HIKESHI: variants seen among roughly 807,000 people sequenced by gnomAD.
The protein encoded by HIKESHI is heat shock protein nuclear import factor hikeshi, also known as protein Hikeshi.
HIKESHI carries 13 observed loss-of-function variants against 25.7 expected under a neutral mutation model. The ratio of observed to expected loss-of-function variants is 0.51; its 90% confidence interval spans 0.33 to 0.80. The LOEUF (loss-of-function observed/expected upper bound fraction) is 0.80. Ranked by LOEUF, HIKESHI falls within the 30% of genes least tolerant of loss-of-function variation. The probability of loss-of-function intolerance (pLI) is 0.02; values close to 1 mark genes in which losing one functional copy is unlikely to be tolerated. For missense variants in HIKESHI, 174 were observed against 229.5 expected (o/e 0.76, Z 1.56); for synonymous variants, 76 against 78.7 (o/e 0.97, Z 0.18).
chr11:86,307,275 A>G (rs1388165326), intron 2 of HIKESHI, among the ~76,000 whole-genome samples: 6 of 78,820 alleles, frequency 7.6e-5, no homozygotes, highest in African/African-American at 2.8e-4. Context: ...TATACATCAT[A>G]TATCAAATAT....
chr11:86,338,632 A>T (rs988899411), intron 3 of HIKESHI, among the ~76,000 whole-genome samples: 1 of 152,252 alleles, frequency 6.6e-6, no homozygotes, highest in Admixed American at 6.5e-5. Flanking sequence ...TTTGCCTGGC[A>T]GTACCAGAGG....
chr11:86,344,512 C>G (rs1359269560), intron 3 of HIKESHI, 91 bp from the exon 4 acceptor site: 1 of 805,636 alleles, frequency 1.2e-6, no homozygotes, highest in East Asian at 2.8e-5. Context: ...TCCCTATAAA[C>G]AAGTTAATGT....
At chr11:86,342,048 A>C (rs545658411) in intron 3 of HIKESHI, among the ~76,000 whole-genome samples, 7 of 126,580 alleles carry the variant, frequency 5.5e-5, no homozygotes, top group Admixed American at 1.7e-4. Flanking sequence ...CAGACCTTTA[A>C]AATTTTGCCA....
intron 4 of HIKESHI, 30 bp downstream of exon 4, chr11:86,344,751 A>G: frequency 2.2e-6 from 3 of 1,373,882 alleles, no homozygotes; most frequent in South Asian, 1.2e-5. Context: ...TCCAATATTA[A>G]GGCTTTTTAT....
intron 2 of HIKESHI, among the ~76,000 whole-genome samples, chr11:86,315,789 T>C (rs368748657): frequency 1.4e-4 from 22 of 152,170 alleles, no homozygotes; most frequent in African/African-American, 4.1e-4. Flanking sequence ...AGCACAGAAA[T>C]TGGTAAACCT....
intron 2 of HIKESHI, among the ~76,000 whole-genome samples, chr11:86,313,450 T>G (rs1264992244): frequency 6.6e-6 from 1 of 152,182 alleles, no homozygotes; most frequent in Non-Finnish European, 1.5e-5. Flanking sequence ...CAGGCTGGTC[T>G]TGAACTCCTG....
At chr11:86,326,382 T>C (rs1404099165) in intron 2 of HIKESHI, 13 of 412,762 alleles carry the variant, frequency 3.1e-5, no homozygotes, top group Non-Finnish European at 6.2e-5. Context: ...AGGTCTTTTG[T>C]TATATTATGT....
chr11:86,308,980 T>G (rs1327547145), intron 2 of HIKESHI, among the ~76,000 whole-genome samples: 2 of 150,956 alleles, frequency 1.3e-5, no homozygotes, highest in South Asian at 2.1e-4. Flanking sequence ...TGATGGACAT[T>G]TGGGTTAGTT....
intron 2 of HIKESHI, among the ~76,000 whole-genome samples, chr11:86,328,623 T>C (rs1947344620): frequency 6.6e-6 from 1 of 152,018 alleles, no homozygotes. Flanking sequence ...TTTGTCTTTT[T>C]AGTAGAGATG....
chr11:86,321,761 C>G (rs188545502), intron 2 of HIKESHI, among the ~76,000 whole-genome samples: 1 of 152,150 alleles, frequency 6.6e-6, no homozygotes, highest in Non-Finnish European at 1.5e-5. Context: ...AACTCCTGAC[C>G]TCAGGTGATC....
chr11:86,338,991 A>G (rs1947645188), intron 3 of HIKESHI, among the ~76,000 whole-genome samples: 1 of 152,222 alleles, frequency 6.6e-6, no homozygotes, highest in Non-Finnish European at 1.5e-5. Flanking sequence ...AGAGTAACTT[A>G]TATTTTCCAC....
At chr11:86,320,193 A>G (rs1366162602) in intron 2 of HIKESHI, among the ~76,000 whole-genome samples, 1 of 152,244 alleles carries the variant, frequency 6.6e-6, no homozygotes, top group Non-Finnish European at 1.5e-5. Context: ...TATTCTAACT[A>G]TTGATACACC....
rs1946617307 is a variant in HIKESHI, at chr11:86,306,162, G to C, written c.31-83G>C. ...AGAAAGACTATAATGGATTATGCTG[G>C]TAATATAACTTATAAATGATACTGT... On this transcript the variant is annotated intron_variant, in intron 1 of 4. Coordinates refer to ENST00000278483, the MANE Select transcript of HIKESHI (RefSeq NM_016401.4). The C allele has an allele frequency of 5.8e-6, 5 of 858,822 alleles. No homozygotes were observed. In the Admixed American group the frequency reaches 8.6e-5, roughly 15 times the overall value. The allele number at this position is 858,822 out of a possible 1,614,324, so 53.2% of individuals were successfully genotyped here. A position where few individuals can be genotyped will look rare whatever the true frequency, so the allele number is the denominator to read the frequency against.
At chr11:86,337,692 C>T (rs1947607653) in intron 3 of HIKESHI, among the ~76,000 whole-genome samples, 162 bp downstream of exon 3, 1 of 152,198 alleles carries the variant, frequency 6.6e-6, no homozygotes, top group African/African-American at 2.4e-5. Flanking sequence ...GAGTCTTGCT[C>T]TGTTGCCCAG....
At chr11:86,318,380 T>C (rs950219769) in intron 2 of HIKESHI, among the ~76,000 whole-genome samples, 7 of 145,548 alleles carry the variant, frequency 4.8e-5, no homozygotes, top group Non-Finnish European at 7.5e-5. Flanking sequence ...TAATTAAAAA[T>C]ATACCTCTTC....
At chr11:86,334,075 G>T (rs1178488242) in intron 2 of HIKESHI, among the ~76,000 whole-genome samples, 1 of 152,136 alleles carries the variant, frequency 6.6e-6, no homozygotes, top group Non-Finnish European at 1.5e-5. Flanking sequence ...GATGGTTGAT[G>T]GGCAGTTGTA....
intron 3 of HIKESHI, among the ~76,000 whole-genome samples, chr11:86,338,399 G>C (rs1375566503): frequency 1.4e-5 from 2 of 142,822 alleles, no homozygotes; most frequent in South Asian, 4.1e-4. Context: ...ATATGGAGGT[G>C]TTCACTTTAG....
chr11:86,305,462 C>T lies in HIKESHI; in HGVS notation c.31-783C>T, dbSNP rs1946598750. 2.0e-5 allele frequency among the ~76,000 whole-genome samples: 3 copies of T among 152,092 alleles called. No individual in the cohort carries two copies. In the South Asian group the frequency reaches 6.2e-4, roughly 31 times the overall value. On this transcript the variant is annotated intron_variant, in intron 1 of 4. Coordinates refer to ENST00000278483, the MANE Select transcript of HIKESHI (RefSeq NM_016401.4). ...GGTGCAATGGCGCGATCTCAGCTCA[C>T]CGCAACCTCTACCTCCTGGGTTCAA... is the stretch of plus-strand genomic sequence containing the variant.
chr11:86,320,643 GAC>G (rs1454012323), intron 2 of HIKESHI, among the ~76,000 whole-genome samples: 3 of 152,236 alleles, frequency 2.0e-5, no homozygotes, highest in African/African-American at 7.2e-5. Context: ...ATGTATAATT[GAC>G]ACACAGTTAA....
Sources: gnomAD v4.1 joint callset for allele counts (sites outside exome capture counted in the v4.1 genomes callset) on GRCh38, gnomAD v4.1.1 for gene constraint, MANE v1.5 for transcripts, NCBI Gene and HGNC (gene_info 2026-07-23, HGNC 2026-07-21) for gene names.